The following PCDH15 variants were observed in gnomAD, a reference collection of about 807,000 sequenced individuals.
The protein encoded by PCDH15 is protocadherin related 15.
Under a neutral mutation model 178.5 loss-of-function variants are expected in PCDH15, and 129 were observed. The observed-to-expected ratio is 0.72, with a 90% CI of 0.63 to 0.84. The LOEUF is 0.84. Ranked by LOEUF, PCDH15 falls within the 40% of genes least tolerant of loss-of-function variation. The pLI is 0.00. For missense variants in PCDH15, 2,230 were observed against 2,099.9 expected (o/e 1.06, Z -1.21); for synonymous variants, 800 against 732.0 (o/e 1.09, Z -1.50).
chr10:54,267,537 A>G lies in PCDH15; in HGVS notation c.877-30606T>C, dbSNP rs559548414. Among the ~76,000 whole-genome samples the G allele has an allele frequency of 4.6e-5, 7 of 151,452 alleles. No homozygotes were observed. In the East Asian group the frequency reaches 1.2e-3, roughly 25 times the overall value. ...TACCTAGAAAACCCTAATGATTCTGACCAAAGACGCCTAAAGTTGATTAAA... is the reference window on the plus strand; with the variant it reads ...TACCTAGAAAACCCTAATGATTCTGGCCAAAGACGCCTAAAGTTGATTAAA... On this transcript the variant is annotated intron_variant, in intron 8 of 37. Transcript: ENST00000644397.
intron 3 of PCDH15, among the ~76,000 whole-genome samples, chr10:54,504,865 T>C (rs569770348): frequency 6.6e-6 from 1 of 152,200 alleles, no homozygotes; most frequent in Non-Finnish European, 1.5e-5. Flanking sequence ...TGAGAATATA[T>C]CTAGAATGTC....
intron 15 of PCDH15, among the ~76,000 whole-genome samples, chr10:54,118,138 A>C (rs1308981780): frequency 6.6e-6 from 1 of 152,222 alleles, no homozygotes; most frequent in Non-Finnish European, 1.5e-5. Context: ...CTGCATTCAA[A>C]TTATACTACA....
At chr10:55,347,866 G>A (rs1844804408) in intron 2 of PCDH15, among the ~76,000 whole-genome samples, 1 of 151,998 alleles carries the variant, frequency 6.6e-6, no homozygotes, top group South Asian at 2.1e-4. Flanking sequence ...AAATCAAAAT[G>A]TTATATTTCT....
chr10:55,509,224 T>A (rs1840826814), intron 2 of PCDH15, among the ~76,000 whole-genome samples: 1 of 151,754 alleles, frequency 6.6e-6, no homozygotes, highest in Non-Finnish European at 1.5e-5. Context: ...CTCAGAAGAT[T>A]TTAGGATATA....
chr10:55,022,447 G>C (rs1441861972), intron 2 of PCDH15, among the ~76,000 whole-genome samples: 1 of 91,396 alleles, frequency 1.1e-5, no homozygotes, highest in African/African-American at 3.7e-5. Flanking sequence ...GCGAGACTCT[G>C]TCTCCAAAAA....
At chr10:55,479,889 A>G (rs1840141461) in intron 2 of PCDH15, among the ~76,000 whole-genome samples, 1 of 151,780 alleles carries the variant, frequency 6.6e-6, no homozygotes, top group Non-Finnish European at 1.5e-5. Context: ...AAAGAAATCA[A>G]GAGATTAATC....
chr10:55,471,674 A>C (rs1839958308), intron 2 of PCDH15, among the ~76,000 whole-genome samples: 1 of 152,184 alleles, frequency 6.6e-6, no homozygotes, highest in Admixed American at 6.5e-5. Flanking sequence ...TAGTTTGTGA[A>C]CACAGGAAAA....
At chr10:55,117,152 C>T (rs1050683847) in intron 2 of PCDH15, among the ~76,000 whole-genome samples, 2 of 152,122 alleles carry the variant, frequency 1.3e-5, no homozygotes, top group South Asian at 2.1e-4. Flanking sequence ...TCTTGTTAAT[C>T]GATCTTTTGT....
At chr10:54,080,931 A>G (rs2094428253) in intron 16 of PCDH15, among the ~76,000 whole-genome samples, 1 of 152,198 alleles carries the variant, frequency 6.6e-6, no homozygotes, top group African/African-American at 2.4e-5. Context: ...ATCTTAAGAA[A>G]CAGGAAAGCT....
chr10:54,113,624 C>A (rs1175241929), intron 15 of PCDH15, among the ~76,000 whole-genome samples: 2 of 125,374 alleles, frequency 1.6e-5, no homozygotes, highest in Non-Finnish European at 3.2e-5. Flanking sequence ...CTCTACCGGT[C>A]CTTCTCCCAA....
At chr10:54,736,064 C>A (rs796189488) in intron 1 of PCDH15, among the ~76,000 whole-genome samples, 1 of 151,934 alleles carries the variant, frequency 6.6e-6, no homozygotes, top group Non-Finnish European at 1.5e-5. Flanking sequence ...TCTCGACTTT[C>A]TTTCCTTAGG....
At chr10:54,528,142 G>A (rs2083539506) in intron 2 of PCDH15, among the ~76,000 whole-genome samples, 1 of 152,026 alleles carries the variant, frequency 6.6e-6, no homozygotes, top group Admixed American at 6.6e-5. Flanking sequence ...GAGAGCAGAA[G>A]TCCTTCAGGA....
At chr10:53,929,742 CAGTTT>C (rs2084877837) in intron 25 of PCDH15, among the ~76,000 whole-genome samples, 2 of 152,146 alleles carry the variant, frequency 1.3e-5, no homozygotes, top group African/African-American at 4.8e-5. Context: ...GTTTTACCCT[CAGTTT>C]AAAGTTTATC....
At chr10:55,189,694 T>C (rs913678328) in intron 1 of PCDH15, among the ~76,000 whole-genome samples, 2 of 151,882 alleles carry the variant, frequency 1.3e-5, no homozygotes, top group South Asian at 2.1e-4. Context: ...TGAGTTTCTT[T>C]TTCTTTTTTT....
At chr10:54,297,979 C>T (rs1045699632) in intron 8 of PCDH15, among the ~76,000 whole-genome samples, 1 of 152,206 alleles carries the variant, frequency 6.6e-6, no homozygotes, top group Non-Finnish European at 1.5e-5. Flanking sequence ...AAATTCCCTA[C>T]TGGTCAGCAA....
intron 2 of PCDH15, among the ~76,000 whole-genome samples, chr10:54,947,384 C>T (rs1838222367): frequency 6.6e-6 from 1 of 151,890 alleles, no homozygotes; most frequent in South Asian, 2.1e-4. Flanking sequence ...TGGTTTATGC[C>T]TGTTCTTCCT....
chr10:54,076,925 G>T (rs531299551), intron 17 of PCDH15, among the ~76,000 whole-genome samples: 3 of 152,096 alleles, frequency 2.0e-5, no homozygotes, highest in African/African-American at 7.2e-5. Context: ...TTAAATATCT[G>T]TTTTAAACCA....
intron 1 of PCDH15, among the ~76,000 whole-genome samples, chr10:55,212,534 C>T (rs1389925154): frequency 6.6e-6 from 1 of 151,996 alleles, no homozygotes; most frequent in East Asian, 1.9e-4. Context: ...AGAAAGAGAT[C>T]CCTATAATCA....
intron 3 of PCDH15, among the ~76,000 whole-genome samples, chr10:54,883,548 A>G (rs1001218296): frequency 6.6e-6 from 1 of 151,992 alleles, no homozygotes; most frequent in African/African-American, 2.4e-5. Context: ...ATCTTGAAGT[A>G]AATATGACTA....
Sources: allele counts gnomAD v4.1 joint callset (sites outside exome capture counted in the v4.1 genomes callset), GRCh38; gene constraint gnomAD v4.1.1; transcripts MANE v1.5; gene names NCBI Gene and HGNC (gene_info 2026-07-23, HGNC 2026-07-21).